The following CHST11 variants were observed in gnomAD, a reference collection of about 807,000 sequenced individuals.
CHST11 encodes the protein C4S-1.
In CHST11, 9 loss-of-function variants were observed where a neutral mutation model predicts 30.4. That is an observed-to-expected ratio of 0.30 (90% CI 0.18 to 0.52). CHST11 has a LOEUF of 0.52. Among genes scored for constraint, CHST11 ranks in the 20% least tolerant of loss-of-function variants. The pLI is 0.97. For synonymous variants in CHST11, 152 were observed against 187.8 expected (o/e 0.81, Z 1.56); for missense variants, 348 against 460.6 (o/e 0.76, Z 2.24).
intron 1 of CHST11, among the ~76,000 whole-genome samples, chr12:104,560,794 T>C (rs953785248): frequency 6.6e-6 from 1 of 152,244 alleles, no homozygotes; most frequent in Admixed American, 6.5e-5. Flanking sequence ...TCTATTAGAC[T>C]GTGAGCTCCT....
At chr12:104,506,784 C>T (rs1471318910) in intron 1 of CHST11, among the ~76,000 whole-genome samples, 1 of 152,196 alleles carries the variant, frequency 6.6e-6, no homozygotes, top group Non-Finnish European at 1.5e-5. Context: ...TTGGCAAGGG[C>T]TTGTGCTTTC....
At chr12:104,520,201 C>T (rs1306867358) in intron 1 of CHST11, among the ~76,000 whole-genome samples, 2 of 152,224 alleles carry the variant, frequency 1.3e-5, no homozygotes, top group Admixed American at 6.5e-5. Flanking sequence ...TCAGGACAGT[C>T]TCTGAACTAC....
At chr12:104,679,046 T>C (rs2039768914) in intron 2 of CHST11, among the ~76,000 whole-genome samples, 1 of 152,186 alleles carries the variant, frequency 6.6e-6, no homozygotes. Flanking sequence ...ATGATGTCGT[T>C]GGTACTCAGT....
At chr12:104,591,817 A>T (rs941598837) in intron 1 of CHST11, 1 of 154,302 alleles carries the variant, frequency 6.5e-6, no homozygotes, top group African/African-American at 2.4e-5. Flanking sequence ...TAAAAGAACA[A>T]TAGAAAATGT....
At chr12:104,601,403 G>A (rs1241496292) in intron 1 of CHST11, among the ~76,000 whole-genome samples, 1 of 152,172 alleles carries the variant, frequency 6.6e-6, no homozygotes, top group Non-Finnish European at 1.5e-5. Context: ...TTTAGGAGAG[G>A]TTTTGGGGAG....
At chr12:104,633,476 G>A (rs141781860) in intron 2 of CHST11, among the ~76,000 whole-genome samples, 10 of 141,776 alleles carry the variant, frequency 7.1e-5, no homozygotes, top group East Asian at 4.4e-4. Flanking sequence ...GTTCAGTCGC[G>A]TGATCTCGGC....
At chr12:104,633,327 T>C (rs1424854643) in intron 2 of CHST11, among the ~76,000 whole-genome samples, 1 of 151,962 alleles carries the variant, frequency 6.6e-6, no homozygotes, top group Admixed American at 6.6e-5. Flanking sequence ...TGAATATATA[T>C]GATCAAATGA....
intron 2 of CHST11, among the ~76,000 whole-genome samples, chr12:104,723,356 C>A (rs920117131): frequency 6.6e-6 from 1 of 152,104 alleles, no homozygotes; most frequent in Non-Finnish European, 1.5e-5. Context: ...GACAGCCTGG[C>A]GGGCGGGGTG....
intron 2 of CHST11, among the ~76,000 whole-genome samples, chr12:104,619,725 T>C (rs143454596): frequency 6.6e-6 from 1 of 152,314 alleles, no homozygotes; most frequent in African/African-American, 2.4e-5. Flanking sequence ...CACCGATCCA[T>C]AGACTTACTG....
chr12:104,525,162 A>G (rs768479034), intron 1 of CHST11, among the ~76,000 whole-genome samples: 1 of 146,330 alleles, frequency 6.8e-6, no homozygotes, highest in African/African-American at 2.6e-5. Context: ...ATGCAGTATC[A>G]TGATCATAGT....
At position 104,723,361 on chromosome 12, in the gene CHST11, G is replaced by A. The variant is rs530947124; in HGVS notation, c.205-33588G>A. On this transcript the variant is annotated intron_variant, in intron 2 of 2. Transcript: ENST00000303694. ...ACATAGTCAGGACAGCCTGGCGGGC[G>A]GGGTGGGCGTCTGGGGGGCCGTGGG... Among the ~76,000 whole-genome samples, 6 of 152,310 alleles carry A rather than the reference G, an allele frequency of 3.9e-5. 1 individual carries two copies. In the South Asian group the frequency reaches 8.3e-4, roughly 21 times the overall value.
intron 2 of CHST11, among the ~76,000 whole-genome samples, chr12:104,618,812 G>C (rs1168148075): frequency 6.6e-6 from 1 of 152,196 alleles, no homozygotes. Context: ...GGGAGTTGCA[G>C]AACCATGATT....
intron 2 of CHST11, among the ~76,000 whole-genome samples, chr12:104,689,398 C>T (rs2039877666): frequency 6.6e-6 from 1 of 152,208 alleles, no homozygotes; most frequent in African/African-American, 2.4e-5. Context: ...CTGAGACCCT[C>T]GTTTGTGTGT....
chr12:104,605,351 A>G (rs1394220226), intron 2 of CHST11, among the ~76,000 whole-genome samples: 1 of 152,110 alleles, frequency 6.6e-6, no homozygotes, highest in African/African-American at 2.4e-5. Flanking sequence ...CCTAACCAAT[A>G]AAACAACAAC....
intron 1 of CHST11, among the ~76,000 whole-genome samples, chr12:104,553,613 A>C: frequency 7.1e-6 from 1 of 140,460 alleles, no homozygotes. Context: ...GAGAACTAGG[A>C]GGGAAGTGCC....
chr12:104,699,476 C>CTAGAACATTTTAGAT, intron 2 of CHST11, among the ~76,000 whole-genome samples: 1 of 152,212 alleles, frequency 6.6e-6, no homozygotes, highest in Non-Finnish European at 1.5e-5. Flanking sequence ...AAGGTGGCTG[C>CTAGAACATTTTAGAT]TAGAACATTT....
chr12:104,722,524 G>C (rs560830011), intron 2 of CHST11, among the ~76,000 whole-genome samples: 1 of 152,234 alleles, frequency 6.6e-6, no homozygotes, highest in East Asian at 1.9e-4. Context: ...CTGTAAAGTG[G>C]ATGAATTGTG....
chr12:104,475,668 A>T (rs1355589451), intron 1 of CHST11, among the ~76,000 whole-genome samples: 1 of 69,894 alleles, frequency 1.4e-5, no homozygotes, highest in Non-Finnish European at 2.8e-5. Flanking sequence ...TTATATATAT[A>T]TATATATATA....
At chr12:104,738,529 C>T (rs1309741293) in intron 2 of CHST11, among the ~76,000 whole-genome samples, 1 of 152,232 alleles carries the variant, frequency 6.6e-6, no homozygotes, top group Non-Finnish European at 1.5e-5. Context: ...CCTGGTCTGG[C>T]CTTCCTGACT....
Sources: allele counts gnomAD v4.1 joint callset (sites outside exome capture counted in the v4.1 genomes callset), GRCh38; gene constraint gnomAD v4.1.1; transcripts MANE v1.5; gene names NCBI Gene and HGNC (gene_info 2026-07-23, HGNC 2026-07-21).